The following TMCO4 variants were observed in gnomAD, a reference collection of about 807,000 sequenced individuals.
TMCO4 encodes the protein transmembrane and coiled-coil domain-containing protein 4.
Under a neutral mutation model 64.7 loss-of-function variants are expected in TMCO4, and 58 were observed. The observed-to-expected ratio is 0.90, with a 90% CI of 0.73 to 1.12. TMCO4 has a LOEUF of 1.12. TMCO4 is among the 50% of genes most tolerant of loss of function. TMCO4 has a pLI of 0.00. For missense variants in TMCO4, 780 were observed against 825.9 expected, an observed-to-expected ratio of 0.94 and a Z score of 0.68; for synonymous variants, 325 against 346.1, an observed-to-expected ratio of 0.94 and a Z score of 0.68.
rs895835928 is a variant in TMCO4, at chr1:19,734,745, T to C, written c.1264+2627A>G. The stretch of plus-strand genomic sequence containing the variant: ...CTGCCGTCTGCCAAATACAGCATAG[T>C]GGTTAGGAGTGAGGGCTCCAGGGCC... On this transcript the variant is annotated intron_variant, in intron 13 of 15. Transcript: ENST00000294543. The surrounding 1 kb of genome is among the most constrained non-coding windows in gnomAD (Gnocchi z 4.4). Among the ~76,000 whole-genome samples, 1 of 151,904 alleles carries C rather than the reference T, an allele frequency of 6.6e-6. No individual in the cohort carries two copies. Among genetic ancestry groups the C allele is most frequent in the African/African-American group, 2.4e-5 (1 of 41,348 alleles).
rs930876628 is a variant in TMCO4, at chr1:19,734,760, G to A, written c.1264+2612C>T. On this transcript the variant is annotated intron_variant, in intron 13 of 15. Transcript: ENST00000294543. This position sits in a 1 kb window ranked among gnomAD's most constrained non-coding sequence, Gnocchi z 4.4. The stretch of plus-strand genomic sequence containing the variant: ...TACAGCATAGTGGTTAGGAGTGAGG[G>A]CTCCAGGGCCAGACTCCCTGGGCCT... 1.3e-5 allele frequency among the ~76,000 whole-genome samples: 2 copies of A among 152,110 alleles called. No homozygotes were observed. Among genetic ancestry groups the A allele is most frequent in the African/African-American group, 4.8e-5 (2 of 41,426 alleles).
intron 14 of TMCO4, among the ~76,000 whole-genome samples, chr1:19,698,387 T>A (rs1428539751): frequency 6.6e-6 from 1 of 152,194 alleles, no homozygotes; most frequent in Non-Finnish European, 1.5e-5. Flanking sequence ...CCTGGGCAAG[T>A]CACTTGCCCC....
At chr1:19,705,792 G>GA (rs752878339) in intron 13 of TMCO4, among the ~76,000 whole-genome samples, 1,800 of 143,118 alleles carry the variant, frequency 0.013, 42 homozygotes, top group African/African-American at 0.041. Context: ...TGCTGGAAAG[G>GA]AAAAAAAAAA....
chr1:19,690,937 C>T (rs1223860212), intron 15 of TMCO4, among the ~76,000 whole-genome samples: 4 of 143,694 alleles, frequency 2.8e-5, no homozygotes, highest in Non-Finnish European at 3.0e-5. Context: ...GGTACCCTCT[C>T]GGCTCACTGC....
At chr1:19,756,367 A>G (rs954352339) in intron 6 of TMCO4, among the ~76,000 whole-genome samples, 3 of 152,232 alleles carry the variant, frequency 2.0e-5, no homozygotes, top group African/African-American at 4.8e-5. Flanking sequence ...TTGCTGGTGG[A>G]AGCATGCACT....
At chr1:19,775,272 T>C (rs1162071977) in intron 4 of TMCO4, among the ~76,000 whole-genome samples, 2 of 152,180 alleles carry the variant, frequency 1.3e-5, no homozygotes, top group Non-Finnish European at 2.9e-5. Context: ...CCATGAGATT[T>C]CACCATGTTG....
At chr1:19,700,182 G>C (rs1400292491) in intron 14 of TMCO4, among the ~76,000 whole-genome samples, 1 of 152,094 alleles carries the variant, frequency 6.6e-6, no homozygotes, top group African/African-American at 2.4e-5. Context: ...AACCCCAAAG[G>C]GTTGCTTCCT....
intron 13 of TMCO4, among the ~76,000 whole-genome samples, chr1:19,730,711 G>A (rs1478876013): frequency 1.3e-5 from 2 of 152,248 alleles, no homozygotes; most frequent in African/African-American, 4.8e-5. Flanking sequence ...AGTGGAAGCT[G>A]TGAAGACAGT....
At chr1:19,730,165 T>C (rs1326927670) in intron 13 of TMCO4, among the ~76,000 whole-genome samples, 1 of 152,228 alleles carries the variant, frequency 6.6e-6, no homozygotes, top group South Asian at 2.1e-4. Context: ...TGCCTTGCTT[T>C]GGCCAATGAA....
intron 13 of TMCO4, among the ~76,000 whole-genome samples, chr1:19,709,126 G>A (rs1025009495): frequency 4.6e-5 from 7 of 152,168 alleles, no homozygotes; most frequent in Non-Finnish European, 1.0e-4. Context: ...GTGGAATGAG[G>A]TTCACACTGG....
intron 1 of TMCO4, among the ~76,000 whole-genome samples, chr1:19,798,885 G>A (rs1296780533): frequency 2.0e-5 from 3 of 152,240 alleles, no homozygotes; most frequent in Non-Finnish European, 4.4e-5. Context: ...ACAAATGGAT[G>A]TTCCCAAAGC....
At position 19,734,644 on chromosome 1, in the gene TMCO4, C is replaced by T. The variant is rs1302816428; in HGVS notation, c.1264+2728G>A. On this transcript the variant is annotated intron_variant, in intron 13 of 15. Transcript: ENST00000294543. The surrounding 1 kb of genome is among the most constrained non-coding windows in gnomAD (Gnocchi z 4.4). ...TGGGCTGCAGAGACACCAGATGCCA[C>T]CGTTTCTAGACACCCCTGAGAGCCC... Among the ~76,000 whole-genome samples the T allele has an allele frequency of 6.6e-6, 1 of 152,110 alleles. No homozygotes were observed. The highest frequency in any genetic ancestry group is 1.5e-5 in the Non-Finnish European group (1 of 68,010).
At chr1:19,692,216 G>T (rs934084594) in intron 15 of TMCO4, among the ~76,000 whole-genome samples, 22 of 152,194 alleles carry the variant, frequency 1.4e-4, no homozygotes. Context: ...AAGTCGGCTT[G>T]TGCTTGTAGT....
intron 13 of TMCO4, among the ~76,000 whole-genome samples, chr1:19,702,933 G>T (rs748082612): frequency 6.6e-6 from 1 of 152,200 alleles, no homozygotes; most frequent in Non-Finnish European, 1.5e-5. Flanking sequence ...AACAAGAGGT[G>T]CAAATGCACC....
chr1:19,691,578 C>T (rs1361118574), intron 15 of TMCO4, among the ~76,000 whole-genome samples: 4 of 152,184 alleles, frequency 2.6e-5, no homozygotes, highest in Admixed American at 6.5e-5. Context: ...TGAGGCCTAG[C>T]TTCATTGGCC....
intron 13 of TMCO4, among the ~76,000 whole-genome samples, chr1:19,736,417 A>G (rs1345887577): frequency 1.3e-5 from 2 of 152,188 alleles, no homozygotes; most frequent in African/African-American, 2.4e-5. Context: ...ACCAAATCAT[A>G]TTAAGCTCCA....
intron 7 of TMCO4, among the ~76,000 whole-genome samples, chr1:19,754,667 T>A (rs2042164382): frequency 6.6e-6 from 1 of 152,144 alleles, no homozygotes. Flanking sequence ...TGGGATTAGA[T>A]CCTGTGTAAA....
At chr1:19,774,257 G>C (rs1341933168) in intron 4 of TMCO4, among the ~76,000 whole-genome samples, 2 of 152,224 alleles carry the variant, frequency 1.3e-5, no homozygotes, top group Non-Finnish European at 2.9e-5. Context: ...GCCTGGTCCT[G>C]CTGTCCACGA....
rs758925169 is a variant in TMCO4, at chr1:19,771,321, G to A, written c.341C>T (p.Thr114Met). Residue 114 changes from threonine to methionine, a missense_variant, in exon 5 of 16, where the codon ACG becomes ATG. Transcript: ENST00000294543. ...TGTTGGGTGTACCTGAGTGATCACC[G>A]TCGGGTCGTCCTTCAAGATGGGGTC... ...LKDPILKDDP[T>M]VITQDLLSFS... 4.9e-5 allele frequency: 79 copies of A among 1,613,904 alleles called. No individual in the cohort carries two copies. The Middle Eastern group carries it at 2.6e-3, about 54-fold the overall frequency.
Sources: gnomAD v4.1 joint callset for allele counts (sites outside exome capture counted in the v4.1 genomes callset) on GRCh38, gnomAD v4.1.1 for gene constraint, Gnocchi (gnomAD v3.1) non-coding constraint, MANE v1.5 for transcripts, NCBI Gene and HGNC (gene_info 2026-07-23, HGNC 2026-07-21) for gene names.